The following ATRN variants were observed in gnomAD, a reference collection of about 807,000 sequenced individuals.
The protein encoded by ATRN is attractin, also known as attractin-2.
ATRN carries 54 observed loss-of-function variants against 178.7 expected under a neutral mutation model. The ratio of observed to expected loss-of-function variants is 0.30; its 90% CI spans 0.24 to 0.38. The LOEUF is 0.38. Ranked by LOEUF, ATRN falls within the 10% of genes least tolerant of loss-of-function variation. ATRN has a pLI of 1.00. For synonymous variants in ATRN, 636 were observed against 663.0 expected (o/e 0.96, Z 0.63); for missense variants, 1,443 against 1,815.1 (o/e 0.79, Z 3.73).
intron 25 of ATRN, among the ~76,000 whole-genome samples, chr20:3,631,096 A>C (rs2086986909): frequency 6.6e-6 from 1 of 151,516 alleles, no homozygotes; most frequent in Admixed American, 6.6e-5. Flanking sequence ...GACTGCAGGC[A>C]TGCACCATCA....
At chr20:3,617,899 G>C (rs949268940) in intron 24 of ATRN, among the ~76,000 whole-genome samples, 1 of 152,066 alleles carries the variant, frequency 6.6e-6, no homozygotes, top group African/African-American at 2.4e-5. Context: ...AGGGGTCAGG[G>C]GCAAAACTCC....
intron 24 of ATRN, among the ~76,000 whole-genome samples, chr20:3,619,446 A>G (rs1211333056): frequency 6.6e-6 from 1 of 152,212 alleles, no homozygotes; most frequent in East Asian, 1.9e-4. Context: ...GAGGCCAATG[A>G]AAGGTCCTTT....
At chr20:3,631,251 G>T (rs2086987698) in intron 25 of ATRN, among the ~76,000 whole-genome samples, 1 of 151,816 alleles carries the variant, frequency 6.6e-6, no homozygotes, top group Non-Finnish European at 1.5e-5. Context: ...CTCCCAGCCT[G>T]GTCCAAAAGA....
intron 1 of ATRN, among the ~76,000 whole-genome samples, chr20:3,496,363 G>A (rs992319692): frequency 2.7e-5 from 4 of 150,810 alleles, no homozygotes; most frequent in Non-Finnish European, 5.9e-5. Context: ...CTTTGTTCTC[G>A]TTGGTTTCAA....
chr20:3,594,637 C>T (rs778194199), intron 20 of ATRN, 65 bp downstream of exon 20: 2 of 1,331,652 alleles, frequency 1.5e-6, no homozygotes, highest in East Asian at 2.4e-5. Context: ...CTGAACCCCA[C>T]CCTGAGAGCC....
At chr20:3,559,338 T>G in intron 6 of ATRN, 55 bp from the exon 7 acceptor site, 1 of 1,285,930 alleles carries the variant, frequency 7.8e-7, no homozygotes, top group Non-Finnish European at 1.1e-6. Context: ...AATAAAATAG[T>G]ATGAGATGTT....
At chr20:3,507,938 C>T (rs906957884) in intron 1 of ATRN, among the ~76,000 whole-genome samples, 28 of 152,026 alleles carry the variant, frequency 1.8e-4, no homozygotes, top group African/African-American at 6.7e-4. Flanking sequence ...CTCTTGACCT[C>T]GTGATCCACC....
intron 2 of ATRN, 104 bp downstream of exon 2, chr20:3,535,440 T>A (rs1341592147): frequency 6.3e-6 from 3 of 472,976 alleles, no homozygotes; most frequent in Non-Finnish European, 1.1e-5. Context: ...ATAAAGTTCT[T>A]AAAACATTAC....
chr20:3,581,986 T>C, intron 15 of ATRN, 149 bp from the exon 16 acceptor site: 2 of 677,146 alleles, frequency 3.0e-6, no homozygotes, highest in Non-Finnish European at 5.0e-6. Context: ...ATGCCTATAA[T>C]CTCAACATTT....
At chr20:3,498,677 G>A (rs940731529) in intron 1 of ATRN, among the ~76,000 whole-genome samples, 28 of 152,054 alleles carry the variant, frequency 1.8e-4, no homozygotes, top group Non-Finnish European at 3.5e-4. Context: ...TTGATGGGAC[G>A]TATTTCAAAA....
At chr20:3,574,637 C>G (rs904066328) in intron 12 of ATRN, among the ~76,000 whole-genome samples, 2 of 152,206 alleles carry the variant, frequency 1.3e-5, no homozygotes, top group African/African-American at 4.8e-5. Flanking sequence ...GGGATAAAAT[C>G]AGTGAAATAG....
intron 24 of ATRN, among the ~76,000 whole-genome samples, chr20:3,607,569 T>C (rs2086692559): frequency 6.6e-6 from 1 of 152,230 alleles, no homozygotes; most frequent in Non-Finnish European, 1.5e-5. Flanking sequence ...TTTTTGTGAC[T>C]GAATAATATT....
Position 3,584,851 on chromosome 20 carries a change from G to C in ATRN, c.3155G>C (p.Arg1052Thr). The C allele has an allele frequency of 6.2e-7, 1 of 1,614,174 alleles. No individual in the cohort carries two copies. Reference protein sequence around the residue: ...LNSSMCLEDSRYNWSFIHCPA... With the variant: ...LNSSMCLEDSTYNWSFIHCPA... ...TCCAGCATGTGTCTAGAGGACAGCA[G>C]ATACAACTGGTCTTTCATTCACTGT... is the stretch of plus-strand genomic sequence containing the variant. Residue 1052 changes from arginine (R) to threonine (T), a missense_variant, in exon 18 of 29, where the codon AGA (arginine) becomes ACA (threonine). By Grantham distance (71) the Arg-to-Thr change is moderately conservative. Around this residue, in one of 4 missense-constraint regions of ATRN, gnomAD observed 80 missense variants for 71.5 expected, o/e 1.12. Coordinates refer to ENST00000262919, the MANE Select transcript of ATRN (RefSeq NM_139321.3).
intron 1 of ATRN, among the ~76,000 whole-genome samples, chr20:3,509,512 T>C (rs76843296): frequency 6.6e-6 from 1 of 151,938 alleles, no homozygotes; most frequent in Non-Finnish European, 1.5e-5. Flanking sequence ...TTTTTTTTTT[T>C]TGGAGACAGG....
chr20:3,549,306 G>C lies in ATRN; in HGVS notation c.1080G>C (p.Met360Ile). 6.2e-7 allele frequency: 1 copy of C among 1,606,026 alleles called. No individual in the cohort carries two copies. The highest frequency in any genetic ancestry group is 1.1e-5 in the South Asian group (1 of 89,032). ...TTATGTGGGTTGTTGGAGGATATAT[G>C]TTCAACCACTCAGATTATAACATGG... ...GNIMWVVGGYMFNHSDYNMVL... is the reference protein window; with the variant it reads ...GNIMWVVGGYIFNHSDYNMVL... Residue 360 changes from methionine to isoleucine, a missense_variant, in exon 6 of 29, where the codon ATG becomes ATC. By Grantham distance (10) the Met-to-Ile change is conservative. This residue lies in a region of ATRN where 862 missense variants were observed against 972.1 expected (regional missense o/e 0.89). Transcript: ENST00000262919.
chr20:3,489,847 A>C (rs1237740519), intron 1 of ATRN: 6 of 1,259,488 alleles, frequency 4.8e-6, no homozygotes, highest in Non-Finnish European at 5.8e-6. Flanking sequence ...TGAAGCTTAT[A>C]TAGCCAGTAG....
rs564554724 is a variant in ATRN at position 3,568,898 on chromosome 20, G to A, written c.1871+3466G>A. 3.0e-4 allele frequency among the ~76,000 whole-genome samples: 46 copies of A among 152,238 alleles called. 1 individual carries two copies. In the South Asian group the frequency reaches 8.3e-3, roughly 27 times the overall value. On this transcript the variant is annotated intron_variant, in intron 11 of 28. Transcript: ENST00000262919. The stretch of plus-strand genomic sequence containing the variant: ...TAGGGGGCCATTTTCAGCAGTGAAA[G>A]CACTAACATAAGGCACAAAAATGCA...
intron 1 of ATRN, among the ~76,000 whole-genome samples, chr20:3,520,427 C>A (rs1361838910): frequency 1.3e-5 from 2 of 152,052 alleles, no homozygotes; most frequent in Non-Finnish European, 1.5e-5. Flanking sequence ...GGGAAGATAA[C>A]CATTGATAAG....
chr20:3,574,736 C>T (rs1439950487), intron 12 of ATRN, among the ~76,000 whole-genome samples: 1 of 152,170 alleles, frequency 6.6e-6, no homozygotes, highest in Non-Finnish European at 1.5e-5. Context: ...TTCATATCAA[C>T]CCATTTGCTG....
Sources: gnomAD v4.1 joint callset for allele counts (sites outside exome capture counted in the v4.1 genomes callset) on GRCh38, gnomAD v4.1.1 for gene constraint, gnomAD v4.1.1 regional missense constraint, MANE v1.5 for transcripts, NCBI Gene and HGNC (gene_info 2026-07-23, HGNC 2026-07-21) for gene names.